VIT: variants seen among roughly 807,000 people sequenced by gnomAD.
VIT encodes vitrin.
Under a neutral mutation model 78.0 loss-of-function variants are expected in VIT, and 99 were observed. The ratio of observed to expected loss-of-function variants is 1.27; its 90% confidence interval spans 1.08 to 1.50. The LOEUF is 1.50. VIT is among the 40% of genes most tolerant of loss of function. The pLI is 0.00. For missense variants in VIT, 1,126 were observed against 875.3 expected (o/e 1.29, Z -3.61); for synonymous variants, 374 against 334.3 (o/e 1.12, Z -1.29).
chr2:36,746,358 T>G (rs1169359965), intron 4 of VIT, among the ~76,000 whole-genome samples: 1 of 152,158 alleles, frequency 6.6e-6, no homozygotes, highest in Non-Finnish European at 1.5e-5. Flanking sequence ...CCTTGATATT[T>G]TGGAATAGTT....
chr2:36,765,447 G>GAGA (rs759255390), intron 6 of VIT, among the ~76,000 whole-genome samples: 10 of 148,888 alleles, frequency 6.7e-5, no homozygotes, highest in Non-Finnish European at 1.0e-4. Flanking sequence ...GAGAGAGAGA[G>GAGA]GAAAAACTGC....
chr2:36,734,103 A>G (rs1667365938), intron 3 of VIT, among the ~76,000 whole-genome samples: 1 of 152,194 alleles, frequency 6.6e-6, no homozygotes, highest in Non-Finnish European at 1.5e-5. Context: ...ATCCTGAGTC[A>G]AAAACTACAG....
chr2:36,720,814 G>C (rs1573146073), intron 2 of VIT, among the ~76,000 whole-genome samples: 1 of 152,170 alleles, frequency 6.6e-6, no homozygotes, highest in Non-Finnish European at 1.5e-5. Flanking sequence ...TTCGAGATCA[G>C]CCTGGCCAAC....
chr2:36,776,492 T>C (rs1438429015), intron 9 of VIT, among the ~76,000 whole-genome samples: 1 of 152,208 alleles, frequency 6.6e-6, no homozygotes, highest in African/African-American at 2.4e-5. Flanking sequence ...ATAATTCTAT[T>C]GTCACTTTGA....
At chr2:36,728,336 T>C (rs1489204071) in intron 2 of VIT, among the ~76,000 whole-genome samples, 1 of 152,106 alleles carries the variant, frequency 6.6e-6, no homozygotes, top group Non-Finnish European at 1.5e-5. Context: ...GTAAAAAATT[T>C]TAAAATCTCA....
At chr2:36,732,904 G>T (rs781582179) in intron 3 of VIT, among the ~76,000 whole-genome samples, 1 of 152,232 alleles carries the variant, frequency 6.6e-6, no homozygotes, top group Non-Finnish European at 1.5e-5. Flanking sequence ...GAGGAGAAAA[G>T]AGTGTAATAA....
intron 4 of VIT, among the ~76,000 whole-genome samples, chr2:36,747,725 T>A (rs577060249): frequency 2.8e-4 from 42 of 152,340 alleles, no homozygotes; most frequent in Admixed American, 5.9e-4. Flanking sequence ...CTGTGCCTTT[T>A]AATTGGAGCA....
intron 4 of VIT, among the ~76,000 whole-genome samples, chr2:36,748,831 G>A (rs1001361149): frequency 2.0e-5 from 3 of 152,158 alleles, no homozygotes; most frequent in South Asian, 2.1e-4. Context: ...CCTCTCTATT[G>A]ACTTTCAGTG....
chr2:36,766,008 G>A (rs1263010451), intron 6 of VIT, among the ~76,000 whole-genome samples: 3 of 152,236 alleles, frequency 2.0e-5, no homozygotes, highest in Non-Finnish European at 2.9e-5. Flanking sequence ...CAGGACCGAG[G>A]AGCTGTTCAC....
chr2:36,696,895 A>C lies in VIT; in HGVS notation c.-97A>C, dbSNP rs941000181. ...ATAATTTGGATGGGATTTGTGATGC[A>C]GGAAAGCCTAAGGGAAAAAGAATAT... On this transcript the variant is annotated 5_prime_UTR_variant, in exon 1 of 16. Transcript: ENST00000379242. The C allele has an allele frequency of 2.0e-5, 3 of 152,156 alleles. No individual in the cohort carries two copies. The highest frequency in any genetic ancestry group is 2.1e-4 in the South Asian group (1 of 4,820). 9.4% of individuals were successfully genotyped at this position (152,156 alleles called of 1,614,324 possible). A position where few individuals can be genotyped will look rare whatever the true frequency, so the allele number is the denominator to read the frequency against.
chr2:36,744,244 A>G (rs192898566), intron 4 of VIT, among the ~76,000 whole-genome samples: 15 of 152,214 alleles, frequency 9.9e-5, no homozygotes, highest in Non-Finnish European at 1.5e-4. Flanking sequence ...TGTCTTTGCT[A>G]TTGTGAATAG....
chr2:36,717,544 A>T (rs1558510952), intron 2 of VIT, among the ~76,000 whole-genome samples: 1 of 152,004 alleles, frequency 6.6e-6, no homozygotes. Context: ...CCCAGAGATG[A>T]TTTTTTTAAA....
In VIT at chr2:36,811,090, G is replaced by C. The variant is rs999053595; in HGVS notation, c.1903+2105G>C. ...GGGGTTCAGGCAGAGTCTTCCCGGT[G>C]ACTTACCCTTTATGGAGCCTGTAGG... On this transcript the variant is annotated intron_variant, in intron 15 of 15. Transcript: ENST00000379242. Among the ~76,000 whole-genome samples, 3 of 152,342 alleles carry C rather than the reference G, an allele frequency of 2.0e-5. No individual in the cohort carries two copies. The East Asian group carries it at 5.8e-4, about 29-fold the overall frequency.
chr2:36,778,383 T>G (rs1572524091), intron 9 of VIT, among the ~76,000 whole-genome samples: 1 of 152,144 alleles, frequency 6.6e-6, no homozygotes, highest in African/African-American at 2.4e-5. Context: ...GCAGGGGTGG[T>G]GGGCTCCTGA....
chr2:36,710,747 T>G (rs1665752144), intron 1 of VIT, among the ~76,000 whole-genome samples: 1 of 152,234 alleles, frequency 6.6e-6, no homozygotes, highest in Non-Finnish European at 1.5e-5. Context: ...TCATTCCTTT[T>G]TATTGCTGAG....
intron 4 of VIT, among the ~76,000 whole-genome samples, chr2:36,747,900 T>G (rs1296142414): frequency 2.0e-5 from 3 of 152,204 alleles, no homozygotes; most frequent in African/African-American, 7.2e-5. Flanking sequence ...GTTCTTTCAT[T>G]TCCATGTTTA....
chr2:36,813,465 A>C (rs1175598796), intron 15 of VIT, among the ~76,000 whole-genome samples: 3 of 151,912 alleles, frequency 2.0e-5, no homozygotes, highest in Admixed American at 6.6e-5. Flanking sequence ...ACAAACAAAA[A>C]CCCATTGAGC....
At chr2:36,775,139 C>A in intron 9 of VIT, 72 bp downstream of exon 9, 2 of 1,557,270 alleles carry the variant, frequency 1.3e-6, no homozygotes, top group Non-Finnish European at 1.8e-6. Context: ...ACATGAGGAC[C>A]TCCCCACACA....
At chr2:36,753,489 A>G (rs1050022711) in intron 4 of VIT, among the ~76,000 whole-genome samples, 4 of 152,246 alleles carry the variant, frequency 2.6e-5, no homozygotes, top group African/African-American at 9.6e-5. Flanking sequence ...GAGACAAAAT[A>G]AACTCCAGAA....
Sources: allele counts gnomAD v4.1 joint callset (sites outside exome capture counted in the v4.1 genomes callset), GRCh38; gene constraint gnomAD v4.1.1; transcripts MANE v1.5; gene names NCBI Gene and HGNC (gene_info 2026-07-23, HGNC 2026-07-21).